Variants in PDE8B observed in about 807,000 individuals in gnomAD.
The protein encoded by PDE8B is high affinity cAMP-specific and IBMX-insensitive 3',5'-cyclic phosphodiesterase 8B.
In PDE8B, 26 loss-of-function variants were observed where a neutral mutation model predicts 101.3. The observed-to-expected ratio is 0.26, with a 90% confidence interval of 0.19 to 0.36. PDE8B has a LOEUF of 0.36. Among genes scored for constraint, PDE8B ranks in the 10% least tolerant of loss-of-function variants. The pLI is 1.00. For missense variants in PDE8B, 810 were observed against 1,163.1 expected, an observed-to-expected ratio of 0.70 and a Z score of 4.42; for synonymous variants, 424 against 429.3, an observed-to-expected ratio of 0.99 and a Z score of 0.15.
chr5:77,241,366 AATG>A (rs1233122874), intron 1 of PDE8B, among the ~76,000 whole-genome samples: 2 of 152,234 alleles, frequency 1.3e-5, no homozygotes, highest in African/African-American at 4.8e-5. Flanking sequence ...TTGAGAGAAG[AATG>A]ATAAGACGTC....
the PDE8B span, among the ~76,000 whole-genome samples, chr5:77,164,760 G>A: frequency 1.4e-4 from 21 of 152,148 alleles, no homozygotes; most frequent in Admixed American, 6.5e-5. Context: ...ATGTGTGTTG[G>A]GGGGAACATG....
chr5:77,095,091 C>A, the PDE8B span, among the ~76,000 whole-genome samples: 1 of 152,112 alleles, frequency 6.6e-6, no homozygotes, highest in Non-Finnish European at 1.5e-5. Flanking sequence ...AAAAAATTGC[C>A]CTTGTTTGAT....
At chr5:77,344,729 C>A in intron 6 of PDE8B, 124 bp from the exon 7 acceptor site, 1 of 766,768 alleles carries the variant, frequency 1.3e-6, no homozygotes, top group Non-Finnish European at 2.4e-6. Flanking sequence ...AGCATTCAGA[C>A]CATGGCAATA....
intron 10 of PDE8B, among the ~76,000 whole-genome samples, chr5:77,392,499 G>A (rs1413615488): frequency 1.3e-5 from 2 of 152,196 alleles, no homozygotes; most frequent in East Asian, 3.8e-4. Context: ...GACAACTGAA[G>A]TATGATAACA....
At chr5:77,289,625 A>G (rs900257126) in intron 1 of PDE8B, among the ~76,000 whole-genome samples, 2 of 152,218 alleles carry the variant, frequency 1.3e-5, no homozygotes, top group Non-Finnish European at 2.9e-5. Context: ...GACACATCAC[A>G]TACAATTTAG....
At chr5:77,340,820 C>G (rs1179126170) in intron 6 of PDE8B, among the ~76,000 whole-genome samples, 1 of 152,096 alleles carries the variant, frequency 6.6e-6, no homozygotes, top group Non-Finnish European at 1.5e-5. Context: ...GGTGCACTTT[C>G]CACTCAGCAT....
At chr5:77,177,678 T>G in the PDE8B span, among the ~76,000 whole-genome samples, 1 of 152,216 alleles carries the variant, frequency 6.6e-6, no homozygotes, top group Non-Finnish European at 1.5e-5. Context: ...AAGGGTGCCT[T>G]GAACACCAGC....
chr5:77,100,646 C>A, the PDE8B span, among the ~76,000 whole-genome samples: 1 of 152,140 alleles, frequency 6.6e-6, no homozygotes, highest in African/African-American at 2.4e-5. Context: ...CACTGCTCCA[C>A]TGGTGCACTT....
chr5:77,329,158 C>A, intron 4 of PDE8B, 101 bp downstream of exon 4: 1 of 872,872 alleles, frequency 1.1e-6, no homozygotes, highest in South Asian at 1.4e-5. Flanking sequence ...ATGGGTGTGT[C>A]TTGGGTCCTA....
intron 2 of PDE8B, 52 bp downstream of exon 2, chr5:77,312,105 CTTTTTT>C (rs11395504): frequency 3.2e-5 from 28 of 871,446 alleles, no homozygotes; most frequent in Admixed American, 7.0e-5. Context: ...TTTTTTTTTT[CTTTTTT>C]TTTTTTTTTT....
intron 16 of PDE8B, among the ~76,000 whole-genome samples, chr5:77,412,661 G>A (rs1794793156): frequency 6.6e-6 from 1 of 152,006 alleles, no homozygotes; most frequent in South Asian, 2.1e-4. Flanking sequence ...GTGTTGGTCT[G>A]TTGGATATGA....
At chr5:77,291,770 C>T in intron 1 of PDE8B, 1 of 1,581,034 alleles carries the variant, frequency 6.3e-7, no homozygotes, top group African/African-American at 1.3e-5. Flanking sequence ...ACAGTAAAGA[C>T]TTTCCTCTGG....
intron 7 of PDE8B, among the ~76,000 whole-genome samples, chr5:77,346,883 T>C (rs1780238431): frequency 6.6e-6 from 1 of 152,226 alleles, no homozygotes; most frequent in African/African-American, 2.4e-5. Flanking sequence ...ATTTTGAGGA[T>C]GTCATCATTG....
chr5:77,202,735 C>T, the PDE8B span, among the ~76,000 whole-genome samples: 5 of 151,788 alleles, frequency 3.3e-5, no homozygotes, highest in Admixed American at 6.6e-5. Context: ...CAGGTTCAAG[C>T]GATTCTCCTG....
chr5:77,297,166 T>G (rs1417214222), intron 1 of PDE8B, among the ~76,000 whole-genome samples: 1 of 152,228 alleles, frequency 6.6e-6, no homozygotes, highest in African/African-American at 2.4e-5. Flanking sequence ...AGCCCTCTCC[T>G]GTGATAACTA....
chr5:77,412,015 T>G, intron 15 of PDE8B, 85 bp from the exon 16 acceptor site: 1 of 1,379,224 alleles, frequency 7.3e-7, no homozygotes, highest in Non-Finnish European at 1.0e-6. Flanking sequence ...TTTTTTCTAG[T>G]AGTAACTATG....
intron 1 of PDE8B, among the ~76,000 whole-genome samples, chr5:77,298,477 A>G (rs1769123303): frequency 6.6e-6 from 1 of 152,226 alleles, no homozygotes; most frequent in Non-Finnish European, 1.5e-5. Flanking sequence ...GATGAATTTT[A>G]GCATGTGGGC....
chr5:77,323,454 T>C (rs751601260), intron 2 of PDE8B, among the ~76,000 whole-genome samples: 4 of 152,216 alleles, frequency 2.6e-5, no homozygotes, highest in Non-Finnish European at 5.9e-5. Flanking sequence ...TTTGTTCTTT[T>C]TAAAAAATCT....
At chr5:77,346,227 G>T (rs1172350172) in intron 7 of PDE8B, among the ~76,000 whole-genome samples, 1 of 152,148 alleles carries the variant, frequency 6.6e-6, no homozygotes, top group Non-Finnish European at 1.5e-5. Flanking sequence ...TCCTCATGAT[G>T]CTGGCTCTTA....
Sources: gnomAD v4.1 joint callset for allele counts (sites outside exome capture counted in the v4.1 genomes callset) on GRCh38, gnomAD v4.1.1 for gene constraint, MANE v1.5 for transcripts, NCBI Gene and HGNC (gene_info 2026-07-23, HGNC 2026-07-21) for gene names.